The following CCDC61 variants were observed in gnomAD, a reference collection of about 807,000 sequenced individuals.
CCDC61 encodes coiled-coil domain containing 61, also known as centrosomal protein CCDC61.
A neutral mutation model predicts 63.0 loss-of-function variants in CCDC61; 55 were observed. That is an observed-to-expected ratio of 0.87 (90% confidence interval 0.70 to 1.09). CCDC61 has a LOEUF of 1.09. Ranked by LOEUF, CCDC61 falls within the 50% of genes least tolerant of loss-of-function variation. The pLI is 0.00. For synonymous variants in CCDC61, 270 were observed against 317.0 expected (o/e 0.85, Z 1.58); for missense variants, 651 against 731.4 (o/e 0.89, Z 1.27).
intron 5 of CCDC61, among the ~76,000 whole-genome samples, chr19:46,008,579 T>C (rs1302789303): frequency 6.6e-6 from 1 of 152,164 alleles, no homozygotes; most frequent in Non-Finnish European, 1.5e-5. Flanking sequence ...CGGCTAATTT[T>C]TGTATTTTTA....
At chr19:45,996,996 A>T (rs1299692653) in intron 1 of CCDC61, among the ~76,000 whole-genome samples, 1 of 152,052 alleles carries the variant, frequency 6.6e-6, no homozygotes, top group African/African-American at 2.4e-5. Flanking sequence ...TCTTCACCAT[A>T]TCCACGAGGC....
intron 3 of CCDC61, among the ~76,000 whole-genome samples, chr19:46,004,835 CTTTTTT>C (rs748867869): frequency 8.3e-4 from 79 of 95,266 alleles, no homozygotes; most frequent in Middle Eastern, 5.4e-3. Flanking sequence ...ATTTAGATAT[CTTTTTT>C]TTTTTTTTTT....
At position 46,017,278 on chromosome 19, in the gene CCDC61, C is replaced by G. The variant is rs748070579; in HGVS notation, c.1342C>G (p.Pro448Ala). ...CCGCCGCCGTGGGAAGCCTCCCAGC[C>G]CAACGCCCTGGAGTGGGTCCAATAT... ...GHRRRGKPPS[P>A]TPWSGSNMKS... Residue 448 changes from proline to alanine, a missense_variant, in exon 12 of 14, where the codon CCA becomes GCA. Transcript: ENST00000595358. 8 of 1,566,492 alleles carry G rather than the reference C, an allele frequency of 5.1e-6. No individual in the cohort carries two copies. Among genetic ancestry groups the G allele is most frequent in the Non-Finnish European group, 5.2e-6 (6 of 1,155,178 alleles).
chr19:46,002,891 G>C, intron 1 of CCDC61, 117 bp from the exon 2 acceptor site: 2 of 1,006,496 alleles, frequency 2.0e-6, no homozygotes, highest in Admixed American at 2.4e-5. Context: ...AGGTGAATTC[G>C]CTTTCCCAGG....
intron 5 of CCDC61, among the ~76,000 whole-genome samples, chr19:46,008,710 C>G (rs1303701261): frequency 6.6e-6 from 1 of 152,150 alleles, no homozygotes; most frequent in East Asian, 1.9e-4. Flanking sequence ...CGCCCGGCCT[C>G]TGAGCCCCTC....
Position 46,018,459 on chromosome 19 carries a change from T to C in CCDC61, c.*72T>C. 1 of 1,324,646 alleles carries C rather than the reference T, an allele frequency of 7.5e-7. No homozygotes were observed. Among genetic ancestry groups the C allele is most frequent in the Non-Finnish European group, 1.1e-6 (1 of 950,002 alleles). 82.1% of individuals were successfully genotyped at this position (1,324,646 alleles called of 1,614,324 possible). ...TATGGTGTGGGGGGTGGGGCCAGGG[T>C]GGCCTCCAGCCCTGCCCAGTCCCTG... On this transcript the variant is annotated 3_prime_UTR_variant, in exon 14 of 14. Transcript: ENST00000595358. This position sits in a 1 kb window ranked among gnomAD's most constrained non-coding sequence, Gnocchi z 4.2.
intron 2 of CCDC61, 119 bp from the exon 3 acceptor site, chr19:46,003,300 G>A (rs752678693): frequency 2.1e-6 from 3 of 1,418,632 alleles, no homozygotes; most frequent in Non-Finnish European, 2.9e-6. Context: ...GGGGAGGGGT[G>A]TAGGTCTTGT....
Position 46,003,501 on chromosome 19 carries a change from G to C in CCDC61, c.231G>C (p.Gln77His). 1 of 1,610,138 alleles carries C rather than the reference G, an allele frequency of 6.2e-7. No homozygotes were observed. The highest frequency in any genetic ancestry group is 8.5e-7 in the Non-Finnish European group (1 of 1,177,476). ...FCHMLESALTQSSESVTLDLL... is the reference protein window; with the variant it reads ...FCHMLESALTHSSESVTLDLL... ...ATATGCTGGAGTCAGCCCTCACTCA[G>C]GTAGGGCCCGGGTTGGCGGGTTGGG... The change falls in exon 3 of 14, where the codon CAG becomes CAC. Residue 77 changes from glutamine to histidine, a missense_variant and splice_region_variant. By Grantham distance (24) the Gln-to-His change is conservative (BLOSUM62 0). Transcript: ENST00000595358.
At chr19:46,006,782 C>T (rs970605274) in intron 4 of CCDC61, 66 bp downstream of exon 4, 23 of 1,438,650 alleles carry the variant, frequency 1.6e-5, no homozygotes, top group Admixed American at 4.3e-5. Context: ...GTGGGTAGGC[C>T]TTAGGAACCC....
chr19:46,003,545 C>T, intron 3 of CCDC61, 44 bp downstream of exon 3: 1 of 1,324,042 alleles, frequency 7.6e-7, no homozygotes, highest in South Asian at 1.2e-5. Context: ...GGGGTTCTGT[C>T]TTCCAGGTTC....
At chr19:46,008,343 C>T in intron 5 of CCDC61, 42 bp downstream of exon 5, 1 of 944,494 alleles carries the variant, frequency 1.1e-6, no homozygotes. Flanking sequence ...GGTGGGGGCC[C>T]TCCCATCATG....
At position 46,015,942 on chromosome 19, in the gene CCDC61, A is replaced by G. The variant is rs752150332; in HGVS notation, c.846-112A>G. On this transcript the variant is annotated intron_variant, in intron 7 of 13. Coordinates refer to ENST00000595358, the MANE Select transcript of CCDC61 (RefSeq NM_001267723.2). This position sits in a 1 kb window ranked among gnomAD's most constrained non-coding sequence, Gnocchi z 5.3. ...GTCATGGGCCCAGGAGTGCACGTCT[A>G]GGAGTTGATGGGGTAGGCCTGAGGG... is the stretch of plus-strand genomic sequence containing the variant. The G allele has an allele frequency of 1.4e-5, 13 of 923,814 alleles. No homozygotes were observed. Among genetic ancestry groups the G allele is most frequent in the Non-Finnish European group, 1.8e-5 (13 of 710,324 alleles). The allele number at this position is 923,814 out of a possible 1,614,324, so 57.2% of individuals were successfully genotyped here.
chr19:46,003,163 G>A lies in CCDC61; in HGVS notation c.145G>A (p.Gly49Ser), dbSNP rs1968625685. The A allele has an allele frequency of 6.2e-7, 1 of 1,606,402 alleles. No homozygotes were observed. Among genetic ancestry groups the A allele is most frequent in the Non-Finnish European group, 8.5e-7 (1 of 1,175,652 alleles). The change falls in exon 2 of 14, where the codon GGC becomes AGC. Residue 49 changes from glycine (G) to serine (S), a missense_variant. Physicochemically the swap from Gly to Ser is moderately conservative, Grantham distance 56. Coordinates refer to ENST00000595358, the MANE Select transcript of CCDC61 (RefSeq NM_001267723.2). ...ADQWRGEFDA[G>S]FIEDLTHKTG... ...CCAGTGGCGGGGCGAGTTCGATGCT[G>A]GCTGTGAGTGTGCCTGCCTGGGGTG...
At chr19:46,006,444 A>G in intron 3 of CCDC61, 115 bp from the exon 4 acceptor site, 1 of 1,009,578 alleles carries the variant, frequency 9.9e-7, no homozygotes, top group Non-Finnish European at 1.4e-6. Flanking sequence ...GCCTTCGCGT[A>G]GGAAAGCCTA....
Position 46,016,252 on chromosome 19 carries a change from G to C in CCDC61, c.1015+29G>C, listed in dbSNP as rs1968932233. The C allele has an allele frequency of 1.9e-6, 3 of 1,597,604 alleles. No homozygotes were observed. The highest frequency in any genetic ancestry group is 2.6e-6 in the Non-Finnish European group (3 of 1,172,202). ...TGTGCCCCTGCCCTGCGGTAGGGAG[G>C]GGACGCACTGGCGCTGCCAAGGCCC... On this transcript the variant is annotated intron_variant, in intron 8 of 13. Coordinates refer to ENST00000595358, the MANE Select transcript of CCDC61 (RefSeq NM_001267723.2). The surrounding 1 kb of genome is among the most constrained non-coding windows in gnomAD (Gnocchi z 7.2).
chr19:45,999,902 T>G, intron 1 of CCDC61: 1 of 379,346 alleles, frequency 2.6e-6, no homozygotes, highest in Non-Finnish European at 3.6e-6. Flanking sequence ...ACGTCATGGG[T>G]TGGTGAGGGC....
rs368018055 is a variant in CCDC61, at chr19:46,018,194, G to A, written c.1441+44G>A. 2.1e-4 allele frequency: 322 copies of A among 1,569,256 alleles called. No homozygotes were observed. Among genetic ancestry groups the A allele is most frequent in the Admixed American group, 7.6e-4 (41 of 53,994 alleles). The stretch of plus-strand genomic sequence containing the variant: ...ATCCCCTCTCCCAGCCCCAGGACCC[G>A]TTGGAATGGTAGTGCGGGCAGTGGT... On this transcript the variant is annotated intron_variant, in intron 13 of 13. Coordinates refer to ENST00000595358, the MANE Select transcript of CCDC61 (RefSeq NM_001267723.2). The surrounding 1 kb of genome is among the most constrained non-coding windows in gnomAD (Gnocchi z 4.2).
In CCDC61 at chr19:46,003,124, C is replaced by G; in HGVS notation, c.106C>G (p.Arg36Gly). Reference sequence around the variant, plus strand: ...GGTGCTGGAGCTGGAGGTGGAGGACCGGATGACGGCTGACCAGTGGCGGGG... The same window carrying G: ...GGTGCTGGAGCTGGAGGTGGAGGACGGGATGACGGCTGACCAGTGGCGGGG... ...GQVLELEVED[R>G]MTADQWRGEF... Residue 36 changes from arginine (R) to glycine (G), a missense_variant, in exon 2 of 14, where the codon CGG (arginine) becomes GGG (glycine). Physicochemically the swap from Arg to Gly is moderately radical, Grantham distance 125. Coordinates refer to ENST00000595358, the MANE Select transcript of CCDC61 (RefSeq NM_001267723.2). The G allele has an allele frequency of 6.2e-7, 1 of 1,613,348 alleles. No homozygotes were observed. The highest frequency in any genetic ancestry group is 8.5e-7 in the Non-Finnish European group (1 of 1,179,688).
chr19:46,013,214 G>C (rs1009083763), intron 5 of CCDC61, among the ~76,000 whole-genome samples: 1 of 152,134 alleles, frequency 6.6e-6, no homozygotes, highest in African/African-American at 2.4e-5. Flanking sequence ...AGTAGAGAGG[G>C]GGTTTCACCA....
Sources: gnomAD v4.1 joint callset for allele counts (sites outside exome capture counted in the v4.1 genomes callset) on GRCh38, gnomAD v4.1.1 for gene constraint, Gnocchi (gnomAD v3.1) non-coding constraint, MANE v1.5 for transcripts, NCBI Gene and HGNC (gene_info 2026-07-23, HGNC 2026-07-21) for gene names.